Variants in AMBN observed in about 807,000 individuals in gnomAD.
The protein encoded by AMBN is enamel matrix protein.
AMBN carries 54 observed loss-of-function variants against 48.0 expected under a neutral mutation model. The observed-to-expected ratio is 1.12, with a 90% CI of 0.90 to 1.41. The LOEUF is 1.41. Ranked by LOEUF, AMBN falls within the 40% of genes most tolerant of loss-of-function variation. The probability of loss-of-function intolerance (pLI) is 0.00; values close to 1 mark genes in which losing one functional copy is unlikely to be tolerated. For missense variants in AMBN, 571 were observed against 547.3 expected, an observed-to-expected ratio of 1.04 and a Z score of -0.43; for synonymous variants, 186 against 190.0, an observed-to-expected ratio of 0.98 and a Z score of 0.17.
chr4:70,594,883 C>T (rs1483699472), intron 2 of AMBN, among the ~76,000 whole-genome samples: 1 of 152,168 alleles, frequency 6.6e-6, no homozygotes, highest in Non-Finnish European at 1.5e-5. Context: ...AGATGTTCTT[C>T]TCCTATTAAT....
Position 70,606,887 on chromosome 4 carries a change from G to A in AMBN, c.*157G>A. 1 of 773,384 alleles carries A rather than the reference G, an allele frequency of 1.3e-6. No homozygotes were observed. 47.9% of individuals were successfully genotyped at this position (773,384 alleles called of 1,614,324 possible). ...AATGCAAGTGGCTAGAAATAGTGTAGGTCCCCTTCTTGCTTTCAATATCTT... is the reference window on the plus strand; with the variant it reads ...AATGCAAGTGGCTAGAAATAGTGTAAGTCCCCTTCTTGCTTTCAATATCTT... On this transcript the variant is annotated 3_prime_UTR_variant, in exon 13 of 13. Coordinates refer to ENST00000322937, the MANE Select transcript of AMBN (RefSeq NM_016519.6).
rs778718391 is a variant in AMBN, at chr4:70,601,481, C to G, written c.358C>G (p.Gln120Glu). 6.2e-7 allele frequency: 1 copy of G among 1,614,204 alleles called. No individual in the cohort carries two copies. Among genetic ancestry groups the G allele is most frequent in the Admixed American group, 1.7e-5 (1 of 60,030 alleles). ...LPSQPSLKPQ[Q>E]PGLKPFLQSA... Reference sequence around the variant, plus strand: ...ATCACAGCCATCCTTGAAGCCTCAACAGCCAGGACTGAAACCTTTTCTCCA... The same window carrying G: ...ATCACAGCCATCCTTGAAGCCTCAAGAGCCAGGACTGAAACCTTTTCTCCA... Residue 120 changes from glutamine to glutamate, a missense_variant, in exon 6 of 13, where the codon CAG becomes GAG. Coordinates refer to ENST00000322937, the MANE Select transcript of AMBN (RefSeq NM_016519.6).
intron 11 of AMBN, 84 bp from the exon 12 acceptor site, chr4:70,603,793 A>G: frequency 6.8e-7 from 1 of 1,471,758 alleles, no homozygotes; most frequent in Non-Finnish European, 9.5e-7. Context: ...GGTTTAAGTG[A>G]AAACTAAATA....
chr4:70,596,952 G>A (rs1294303744), intron 2 of AMBN, 47 bp from the exon 3 acceptor site: 2 of 1,564,216 alleles, frequency 1.3e-6, no homozygotes, highest in Admixed American at 1.7e-5. Flanking sequence ...GGCATTGAAG[G>A]AAGTTTTGTA....
In AMBN at chr4:70,601,475, C is replaced by G; in HGVS notation, c.352C>G (p.Pro118Ala). 1 of 1,614,210 alleles carries G rather than the reference C, an allele frequency of 6.2e-7. No homozygotes were observed. The highest frequency in any genetic ancestry group is 1.1e-5 in the South Asian group (1 of 91,084). Residue 118 changes from proline to alanine, a missense_variant, in exon 6 of 13, where the codon CCT becomes GCT. Pro to Ala is a conservative substitution (Grantham distance 27). Coordinates refer to ENST00000322937, the MANE Select transcript of AMBN (RefSeq NM_016519.6). ...TCTCCCATCACAGCCATCCTTGAAGCCTCAACAGCCAGGACTGAAACCTTT... is the reference window on the plus strand; with the variant it reads ...TCTCCCATCACAGCCATCCTTGAAGGCTCAACAGCCAGGACTGAAACCTTT... ...PPLPSQPSLKPQQPGLKPFLQ... is the reference protein window; with the variant it reads ...PPLPSQPSLKAQQPGLKPFLQ...
rs1389067736 is a variant in AMBN, at chr4:70,603,004, T to G, written c.642T>G (p.Gly214=). 2 of 1,606,354 alleles carry G rather than the reference T, an allele frequency of 1.2e-6. No homozygotes were observed. The highest frequency in any genetic ancestry group is 8.5e-7 in the Non-Finnish European group (1 of 1,176,932). ...GATTGGATTTTGCTGATCCACAAGG[T>G]TCAACAGTAAGTACAGATCTCAATG... ...LPGLDFADPQ[G]STIFQIARLI... is the part of the protein sequence containing the mutation. Residue 214 remains glycine, a synonymous_variant, in exon 9 of 13, where the codon GGT becomes GGG. Coordinates refer to ENST00000322937, the MANE Select transcript of AMBN (RefSeq NM_016519.6).
At chr4:70,601,866 T>C (rs1737529124) in intron 6 of AMBN, 1 of 675,050 alleles carries the variant, frequency 1.5e-6, no homozygotes, top group Non-Finnish European at 2.7e-6. Flanking sequence ...GGGCATGGAT[T>C]CTAAAAGATA....
intron 2 of AMBN, among the ~76,000 whole-genome samples, chr4:70,596,558 C>G (rs533913529): frequency 5.9e-5 from 9 of 152,142 alleles, no homozygotes; most frequent in Non-Finnish European, 8.8e-5. Flanking sequence ...GTCATGATCC[C>G]ATGCCATGTC....
At chr4:70,594,133 G>C (rs999899006) in intron 2 of AMBN, among the ~76,000 whole-genome samples, 1 of 152,150 alleles carries the variant, frequency 6.6e-6, no homozygotes, top group Non-Finnish European at 1.5e-5. Context: ...AACTCAGCTA[G>C]ATAATTCCAT....
intron 4 of AMBN, among the ~76,000 whole-genome samples, chr4:70,599,290 A>G (rs889585405): frequency 6.6e-6 from 1 of 151,926 alleles, no homozygotes; most frequent in Admixed American, 6.6e-5. Context: ...AAAATACAGA[A>G]ATTAGCTGGG....
Position 70,602,796 on chromosome 4 carries a change from A to G in AMBN, c.571-2A>G. ...TAATTTTAATATTTATCTACAATAT[A>G]GCTCCCAGGAATGGATTTTCCTGAT... On this transcript the variant is annotated splice_acceptor_variant, in intron 7 of 12. Coordinates refer to ENST00000322937, the MANE Select transcript of AMBN (RefSeq NM_016519.6). LOFTEE classifies it high-confidence loss of function. The G allele has an allele frequency of 6.3e-7, 1 of 1,585,112 alleles. No individual in the cohort carries two copies. The highest frequency in any genetic ancestry group is 8.6e-7 in the Non-Finnish European group (1 of 1,163,118).
Position 70,606,462 on chromosome 4 carries a change from A to G in AMBN, c.1076A>G (p.Asp359Gly). The G allele has an allele frequency of 6.2e-7, 1 of 1,613,992 alleles. No homozygotes were observed. Among genetic ancestry groups the G allele is most frequent in the Non-Finnish European group, 8.5e-7 (1 of 1,179,978 alleles). The part of the protein sequence containing the change: ...PHAGLLALPK[D>G]DIPGLPRSPS... The stretch of plus-strand genomic sequence containing the variant: ...GCAGGGCTCCTTGCTCTCCCTAAGG[A>G]TGACATTCCCGGCCTGCCAAGGAGC... Residue 359 changes from aspartate (D) to glycine (G), a missense_variant, in exon 13 of 13, where the codon GAT becomes GGT. Asp to Gly is a moderately conservative substitution (Grantham distance 94). Coordinates refer to ENST00000322937, the MANE Select transcript of AMBN (RefSeq NM_016519.6).
chr4:70,603,050 T>C, intron 9 of AMBN, 40 bp downstream of exon 9: 1 of 1,570,136 alleles, frequency 6.4e-7, no homozygotes, highest in Non-Finnish European at 8.6e-7. Context: ...TTGCAAAAAC[T>C]GTCTCTATAT....
rs919249960 is a variant in AMBN, at chr4:70,594,206, G to A, written c.84+811G>A. On this transcript the variant is annotated intron_variant, in intron 2 of 12. Transcript: ENST00000322937. Reference sequence around the variant, plus strand: ...ACATGAAATTGTGTGACTGAGAGCTGAAGTTTCATAAATCAAAACATATCA... The same window carrying A: ...ACATGAAATTGTGTGACTGAGAGCTAAAGTTTCATAAATCAAAACATATCA... 5.9e-5 allele frequency among the ~76,000 whole-genome samples: 9 copies of A among 152,294 alleles called. No homozygotes were observed. The South Asian group carries it at 6.2e-4, about 11-fold the overall frequency.
rs770127979 is a variant in AMBN at position 70,601,503 on chromosome 4, T to C, written c.380T>C (p.Leu127Pro). ...KPQQPGLKPF[L>P]QSAAATTNQA... ...CAACAGCCAGGACTGAAACCTTTTCTCCAGTCTGCTGCTGCAACCACCAAC... is the reference window on the plus strand; with the variant it reads ...CAACAGCCAGGACTGAAACCTTTTCCCCAGTCTGCTGCTGCAACCACCAAC... Residue 127 changes from leucine (L) to proline (P), a missense_variant, in exon 6 of 13, where the codon CTC becomes CCC. Transcript: ENST00000322937. 2 of 1,614,142 alleles carry C rather than the reference T, an allele frequency of 1.2e-6. No homozygotes were observed. Among genetic ancestry groups the C allele is most frequent in the Non-Finnish European group, 8.5e-7 (1 of 1,179,998 alleles).
intron 2 of AMBN, 136 bp downstream of exon 2, chr4:70,593,531 A>G (rs3924573): frequency 0.18 from 125,399 of 716,126 alleles, 12,507 homozygotes; most frequent in Non-Finnish European, 0.21. Context: ...TATTGAGTCA[A>G]AAGCCATAGT....
At chr4:70,600,852 G>T (rs1466808612) in intron 5 of AMBN, among the ~76,000 whole-genome samples, 1 of 152,128 alleles carries the variant, frequency 6.6e-6, no homozygotes, top group African/African-American at 2.4e-5. Flanking sequence ...TATGTTAATG[G>T]TGACTGTTTC....
chr4:70,603,547 G>A, intron 11 of AMBN, 87 bp downstream of exon 11: 5 of 1,311,674 alleles, frequency 3.8e-6, no homozygotes, highest in Non-Finnish European at 5.3e-6. Context: ...TCACACAAGA[G>A]ATTCCAAATA....
Position 70,603,411 on chromosome 4 carries a change from T to G in AMBN, c.709-5T>G. 6.2e-7 allele frequency: 1 copy of G among 1,613,656 alleles called. No individual in the cohort carries two copies. The highest frequency in any genetic ancestry group is 8.5e-7 in the Non-Finnish European group (1 of 1,179,864). On this transcript the variant is annotated splice_polypyrimidine_tract_variant and splice_region_variant and intron_variant, in intron 10 of 12. Coordinates refer to ENST00000322937, the MANE Select transcript of AMBN (RefSeq NM_016519.6). ...ATTTTGTGATAATGATTGTATTTTA[T>G]TTAGCTTTATCCAGGAATGTTGTAC...
Sources: allele counts gnomAD v4.1 joint callset (sites outside exome capture counted in the v4.1 genomes callset), GRCh38; gene constraint gnomAD v4.1.1; transcripts MANE v1.5; gene names NCBI Gene and HGNC (gene_info 2026-07-23, HGNC 2026-07-21).